Variants in ATF7IP2 observed in about 807,000 individuals in gnomAD.
ATF7IP2 encodes activating transcription factor 7-interacting protein 2.
ATF7IP2 carries 42 observed loss-of-function variants against 64.2 expected under a neutral mutation model. The observed-to-expected ratio is 0.65, with a 90% CI of 0.51 to 0.85. The LOEUF is 0.85. Among genes scored for constraint, ATF7IP2 ranks in the 40% least tolerant of loss-of-function variants. ATF7IP2 has a pLI of 0.00. For synonymous variants in ATF7IP2, 308 were observed against 272.8 expected (o/e 1.13, Z -1.27); for missense variants, 933 against 784.2 (o/e 1.19, Z -2.27).
At chr16:10,398,540 T>TA (rs2047465317) in intron 1 of ATF7IP2, among the ~76,000 whole-genome samples, 1 of 152,172 alleles carries the variant, frequency 6.6e-6, no homozygotes, top group African/African-American at 2.4e-5. Flanking sequence ...TTATTCACAG[T>TA]AGATAACAGA....
intron 9 of ATF7IP2, among the ~76,000 whole-genome samples, chr16:10,466,364 A>C (rs2049571379): frequency 6.6e-6 from 1 of 152,226 alleles, no homozygotes; most frequent in South Asian, 2.1e-4. Context: ...GTGAATGTAC[A>C]TATATACACT....
intron 1 of ATF7IP2, among the ~76,000 whole-genome samples, chr16:10,406,054 A>T (rs1487291361): frequency 6.6e-6 from 1 of 151,836 alleles, no homozygotes; most frequent in East Asian, 1.9e-4. Flanking sequence ...GTGCCACTGC[A>T]CTCCAGCCTG....
intron 1 of ATF7IP2, among the ~76,000 whole-genome samples, chr16:10,402,526 G>C (rs1272015923): frequency 6.6e-6 from 1 of 152,108 alleles, no homozygotes; most frequent in Non-Finnish European, 1.5e-5. Flanking sequence ...GCATTGGCAT[G>C]ATTTTTTACT....
intron 9 of ATF7IP2, among the ~76,000 whole-genome samples, chr16:10,460,070 G>C (rs1305261078): frequency 6.6e-6 from 1 of 152,068 alleles, no homozygotes; most frequent in Non-Finnish European, 1.5e-5. Flanking sequence ...ATTAATAAGA[G>C]TAAAACAAGA....
intron 5 of ATF7IP2, among the ~76,000 whole-genome samples, chr16:10,432,287 A>C (rs1182527211): frequency 6.6e-6 from 1 of 152,292 alleles, no homozygotes; most frequent in Non-Finnish European, 1.5e-5. Flanking sequence ...TTAAAATAGC[A>C]AAAGTGAATT....
chr16:10,439,024 G>A (rs1333537820), intron 7 of ATF7IP2, among the ~76,000 whole-genome samples: 11 of 129,834 alleles, frequency 8.5e-5, no homozygotes, highest in African/African-American at 3.0e-4. Context: ...CTGCACTCCA[G>A]TCTGCCGACA....
At chr16:10,454,531 C>G (rs1596559983) in intron 8 of ATF7IP2, among the ~76,000 whole-genome samples, 1 of 147,208 alleles carries the variant, frequency 6.8e-6, no homozygotes, top group East Asian at 2.0e-4. Flanking sequence ...ATTTTTCCTT[C>G]TTGATCAACC....
Position 10,457,493 on chromosome 16 carries a change from A to C in ATF7IP2, c.1316A>C (p.Asn439Thr), listed in dbSNP as rs1399439271. The change falls in exon 9 of 14, where the codon AAT becomes ACT. Residue 439 changes from asparagine to threonine, a missense_variant. By Grantham distance (65) the Asn-to-Thr change is moderately conservative. Coordinates refer to ENST00000562102, the MANE Select transcript of ATF7IP2 (RefSeq NM_001393719.1). Reference sequence around the variant, plus strand: ...TCCGAAAAAGGAAGTAAAAAAATTAATTTGTCATCAGATCAAAATAAGTCT... The same window carrying C: ...TCCGAAAAAGGAAGTAAAAAAATTACTTTGTCATCAGATCAAAATAAGTCT... Reference protein sequence around the residue: ...NPSEKGSKKINLSSDQNKSVS... With the variant: ...NPSEKGSKKITLSSDQNKSVS... 6.3e-7 allele frequency: 1 copy of C among 1,596,352 alleles called. No individual in the cohort carries two copies. The highest frequency in any genetic ancestry group is 8.5e-7 in the Non-Finnish European group (1 of 1,174,596).
At position 10,430,753 on chromosome 16, in the gene ATF7IP2, A is replaced by G; in HGVS notation, c.133A>G (p.Asn45Asp). Reference sequence around the variant, plus strand: ...AGCGCTGAAAACAGCAATTGGGAGTAATGTTCCAAGCGGTAATCAGAGTTT... The same window carrying G: ...AGCGCTGAAAACAGCAATTGGGAGTGATGTTCCAAGCGGTAATCAGAGTTT... Reference protein sequence around the residue: ...VEALKTAIGSNVPSGNQSFSP... With the variant: ...VEALKTAIGSDVPSGNQSFSP... Residue 45 changes from asparagine to aspartate, a missense_variant, in exon 5 of 14, where the codon AAT becomes GAT. Asn to Asp is a conservative substitution (Grantham distance 23, BLOSUM62 1). Transcript: ENST00000562102. 6.2e-7 allele frequency: 1 copy of G among 1,613,746 alleles called. No individual in the cohort carries two copies. Among genetic ancestry groups the G allele is most frequent in the Non-Finnish European group, 8.5e-7 (1 of 1,179,900 alleles).
chr16:10,468,988 G>GA (rs527782662), intron 9 of ATF7IP2, among the ~76,000 whole-genome samples: 4 of 152,286 alleles, frequency 2.6e-5, no homozygotes, highest in Admixed American at 2.6e-4. Flanking sequence ...AGCTTCAAAG[G>GA]AATCAGGCTA....
chr16:10,398,856 G>A (rs1018666741), intron 1 of ATF7IP2, among the ~76,000 whole-genome samples: 7 of 152,182 alleles, frequency 4.6e-5, no homozygotes, highest in Admixed American at 4.6e-4. Flanking sequence ...GCTCACTCCT[G>A]TAATCCCACC....
At chr16:10,453,074 C>T (rs1430126832) in intron 8 of ATF7IP2, among the ~76,000 whole-genome samples, 1 of 152,176 alleles carries the variant, frequency 6.6e-6, no homozygotes, top group Non-Finnish European at 1.5e-5. Flanking sequence ...GCTTCAGCCC[C>T]CTTTGCAGGA....
intron 12 of ATF7IP2, among the ~76,000 whole-genome samples, chr16:10,476,550 G>T (rs779634263): frequency 5.9e-5 from 9 of 151,880 alleles, no homozygotes; most frequent in Non-Finnish European, 1.3e-4. Flanking sequence ...GTGCAGGTTT[G>T]TTACATAGGT....
chr16:10,417,053 C>T (rs1204922203), intron 2 of ATF7IP2, among the ~76,000 whole-genome samples: 1 of 151,962 alleles, frequency 6.6e-6, no homozygotes, highest in Non-Finnish European at 1.5e-5. Context: ...GAAATGAAAC[C>T]TCATGAAAGT....
chr16:10,475,722 GAAAAAAAAAAAA>G (rs386384218), intron 12 of ATF7IP2, among the ~76,000 whole-genome samples: 1 of 41,644 alleles, frequency 2.4e-5, no homozygotes, highest in African/African-American at 1.2e-4. Context: ...TAAGAAGCCA[GAAAAAAAAAAAA>G]AAAAAAAAAA....
chr16:10,443,274 C>T (rs987661999), intron 8 of ATF7IP2, among the ~76,000 whole-genome samples: 2 of 152,134 alleles, frequency 1.3e-5, no homozygotes, highest in South Asian at 2.1e-4. Flanking sequence ...ATGAGAGACA[C>T]AAAGTAAAAT....
chr16:10,459,448 A>G lies in ATF7IP2; in HGVS notation c.1352+1919A>G, dbSNP rs149193237. On this transcript the variant is annotated intron_variant, in intron 9 of 13. Coordinates refer to ENST00000562102, the MANE Select transcript of ATF7IP2 (RefSeq NM_001393719.1). ...ACACCACTGTGCTCCAGCCTGGGCG[A>G]CAGAGCGAGACTCCATCTCAAAAAG... 8.6e-3 allele frequency among the ~76,000 whole-genome samples: 1,300 copies of G among 151,170 alleles called. 15 individuals are homozygous for G. The highest frequency in any genetic ancestry group is 0.029 in the African/African-American group (1,204 of 41,118).
intron 9 of ATF7IP2, among the ~76,000 whole-genome samples, chr16:10,464,672 C>T (rs900863771): frequency 2.6e-5 from 4 of 152,090 alleles, no homozygotes; most frequent in Admixed American, 2.6e-4. Context: ...AAATATTAAT[C>T]CTGCCTAAAA....
At chr16:10,443,417 T>C (rs935319735) in intron 8 of ATF7IP2, among the ~76,000 whole-genome samples, 1 of 152,078 alleles carries the variant, frequency 6.6e-6, no homozygotes, top group Non-Finnish European at 1.5e-5. Context: ...AGAGCTACCA[T>C]ACAGTCCACA....
Sources: allele counts gnomAD v4.1 joint callset (sites outside exome capture counted in the v4.1 genomes callset), GRCh38; gene constraint gnomAD v4.1.1; transcripts MANE v1.5; gene names NCBI Gene and HGNC (gene_info 2026-07-23, HGNC 2026-07-21).